The following C12orf60 variants were observed in gnomAD, a reference collection of about 807,000 sequenced individuals.
C12orf60 encodes uncharacterized protein C12orf60.
For missense variants in C12orf60, 284 were observed against 283.2 expected, an observed-to-expected ratio of 1.00 and a Z score of -0.02; for synonymous variants, 102 against 94.6, an observed-to-expected ratio of 1.08 and a Z score of -0.45.
At chr12:14,813,401 T>A (rs1362715855) in intron 1 of C12orf60, among the ~76,000 whole-genome samples, 2 of 152,220 alleles carry the variant, frequency 1.3e-5, no homozygotes, top group Non-Finnish European at 2.9e-5. Context: ...GTTCTGAGTC[T>A]CCTTTAATTC....
Position 14,823,253 on chromosome 12 carries a change from G to A in C12orf60, c.318G>A (p.Glu106=), listed in dbSNP as rs909908823. Residue 106 remains glutamate, a synonymous_variant, in exon 2 of 2, where the codon GAG becomes GAA. Coordinates refer to ENST00000330828, the MANE Select transcript of C12orf60 (RefSeq NM_175874.4). ...SVVQKSTNVE[E]LHQSAKEVFK... is the part of the protein sequence containing the mutation. ...TTCAGAAGAGTACCAATGTAGAGGA[G>A]TTGCATCAGTCAGCTAAAGAAGTAT... is the stretch of plus-strand genomic sequence containing the variant. The A allele has an allele frequency of 6.2e-7, 1 of 1,614,106 alleles. No individual in the cohort carries two copies. The highest frequency in any genetic ancestry group is 8.5e-7 in the Non-Finnish European group (1 of 1,179,986).
At chr12:14,812,785 T>C (rs1315974006) in intron 1 of C12orf60, among the ~76,000 whole-genome samples, 2 of 152,018 alleles carry the variant, frequency 1.3e-5, no homozygotes, top group Non-Finnish European at 2.9e-5. Flanking sequence ...ATTCAGGAGG[T>C]ACATACACAG....
rs778765854 is a variant in C12orf60, at chr12:14,806,312, T to A, written c.-25+2561T>A. The A allele has an allele frequency of 1.9e-6, 3 of 1,614,254 alleles. No individual in the cohort carries two copies. In the South Asian group the frequency reaches 3.3e-5, roughly 18 times the overall value. On this transcript the variant is annotated intron_variant, in intron 1 of 1. Coordinates refer to ENST00000330828, the MANE Select transcript of C12orf60 (RefSeq NM_175874.4). ...CGACTGCACTGGCTGCAGATGTAGC[T>A]TCTCCCAGGATGACCGAAATAACCT...
At chr12:14,808,796 A>G (rs1273630563) in intron 1 of C12orf60, among the ~76,000 whole-genome samples, 1 of 152,362 alleles carries the variant, frequency 6.6e-6, no homozygotes, top group South Asian at 2.1e-4. Context: ...ACATATATAC[A>G]GGCATGCACA....
intron 1 of C12orf60, chr12:14,806,195 A>C (rs1950046320): frequency 6.2e-7 from 1 of 1,613,990 alleles, no homozygotes; most frequent in African/African-American, 1.3e-5. Context: ...CAACTCCAAT[A>C]CTACCAAGGA....
chr12:14,815,647 G>A (rs1281151649), intron 1 of C12orf60, among the ~76,000 whole-genome samples: 1 of 152,158 alleles, frequency 6.6e-6, no homozygotes, highest in Non-Finnish European at 1.5e-5. Context: ...TTCAGGAAGG[G>A]TACATTATGT....
At chr12:14,809,936 CATT>C (rs1950110267) in intron 1 of C12orf60, among the ~76,000 whole-genome samples, 1 of 152,210 alleles carries the variant, frequency 6.6e-6, no homozygotes, top group African/African-American at 2.4e-5. Context: ...AAGTGTAAGA[CATT>C]GTACGTTTTC....
chr12:14,821,291 A>C (rs1950301151), intron 1 of C12orf60, among the ~76,000 whole-genome samples: 1 of 152,162 alleles, frequency 6.6e-6, no homozygotes. Context: ...CCTCACACTT[A>C]GTGATTTTAA....
chr12:14,808,686 T>G (rs1007153893), intron 1 of C12orf60, among the ~76,000 whole-genome samples: 1 of 152,234 alleles, frequency 6.6e-6, no homozygotes, highest in African/African-American at 2.4e-5. Context: ...TAACCATGTA[T>G]GTTGTTAGAT....
In C12orf60 at chr12:14,813,448, T is replaced by C. The variant is rs536626041; in HGVS notation, c.-24-9464T>C. Among the ~76,000 whole-genome samples, 5 of 152,318 alleles carry C rather than the reference T, an allele frequency of 3.3e-5. No individual in the cohort carries two copies. In the East Asian group the frequency reaches 9.6e-4, roughly 29 times the overall value. On this transcript the variant is annotated intron_variant, in intron 1 of 1. Coordinates refer to ENST00000330828, the MANE Select transcript of C12orf60 (RefSeq NM_175874.4). ...TGTGGCCTTTAATTAAAACAAAAAT[T>C]GATCATGATGTGATGATATACTTTC...
At chr12:14,819,058 G>A (rs1950267783) in intron 1 of C12orf60, among the ~76,000 whole-genome samples, 1 of 152,026 alleles carries the variant, frequency 6.6e-6, no homozygotes, top group Non-Finnish European at 1.5e-5. Context: ...CATTAATTCT[G>A]TGGAGTAATT....
intron 1 of C12orf60, among the ~76,000 whole-genome samples, chr12:14,821,670 T>A (rs1303915649): frequency 6.6e-6 from 1 of 152,174 alleles, no homozygotes. Context: ...GCATTGAAAA[T>A]CCCAACAGTG....
chr12:14,822,316 C>T (rs916579015), intron 1 of C12orf60, among the ~76,000 whole-genome samples: 5 of 150,002 alleles, frequency 3.3e-5, no homozygotes, highest in Non-Finnish European at 5.9e-5. Flanking sequence ...AGAAGACAAA[C>T]GACAACAACA....
Position 14,823,260 on chromosome 12 carries a change from C to T in C12orf60, c.325C>T (p.Gln109Ter). 6.2e-7 allele frequency: 1 copy of T among 1,614,096 alleles called. No individual in the cohort carries two copies. The highest frequency in any genetic ancestry group is 1.3e-5 in the African/African-American group (1 of 75,046). The change falls in exon 2 of 2, where the codon CAG becomes TAG. Residue 109 changes from glutamine to a stop codon, truncating the protein, a stop_gained. Transcript: ENST00000330828. LOFTEE classifies it low-confidence loss of function (END_TRUNC). ...GAGTACCAATGTAGAGGAGTTGCAT[C>T]AGTCAGCTAAAGAAGTATTCAAAAG... ...QKSTNVEELH[Q>*]SAKEVFKSAH...
chr12:14,823,159 A>G lies in C12orf60; in HGVS notation c.224A>G (p.Asp75Gly). The G allele has an allele frequency of 6.2e-7, 1 of 1,614,178 alleles. No homozygotes were observed. Among genetic ancestry groups the G allele is most frequent in the Non-Finnish European group, 8.5e-7 (1 of 1,180,022 alleles). ...KIFKEMQSVV[D>G]ARHDKIQKES... Reference sequence around the variant, plus strand: ...TTTAAGGAGATGCAATCTGTAGTGGATGCAAGACATGACAAAATTCAAAAG... The same window carrying G: ...TTTAAGGAGATGCAATCTGTAGTGGGTGCAAGACATGACAAAATTCAAAAG... The change falls in exon 2 of 2, where the codon GAT (aspartate) becomes GGT (glycine). Residue 75 changes from aspartate (D) to glycine (G), a missense_variant. By Grantham distance (94) the Asp-to-Gly change is moderately conservative. Transcript: ENST00000330828.
At chr12:14,806,317 C>T in intron 1 of C12orf60, 3 of 1,614,214 alleles carry the variant, frequency 1.9e-6, no homozygotes, top group Non-Finnish European at 2.5e-6. Flanking sequence ...GTAGCTTCTC[C>T]CAGGATGACC....
At chr12:14,822,803 C>A in intron 1 of C12orf60, 109 bp from the exon 2 acceptor site, 1 of 891,934 alleles carries the variant, frequency 1.1e-6, no homozygotes, top group Non-Finnish European at 1.7e-6. Context: ...TATAGCTTTC[C>A]TGCCCTTGGC....
At chr12:14,806,760 G>T in intron 1 of C12orf60, 1 of 1,395,840 alleles carries the variant, frequency 7.2e-7, no homozygotes, top group South Asian at 1.4e-5. Context: ...CTGTGTAGAA[G>T]GGACTAGGAA....
intron 1 of C12orf60, among the ~76,000 whole-genome samples, chr12:14,821,414 C>G (rs1215876449): frequency 2.0e-5 from 3 of 152,152 alleles, no homozygotes; most frequent in African/African-American, 7.2e-5. Flanking sequence ...TCTTCCAGCT[C>G]TGGTGGCCAT....
Sources: allele counts gnomAD v4.1 joint callset (sites outside exome capture counted in the v4.1 genomes callset), GRCh38; gene constraint gnomAD v4.1.1; transcripts MANE v1.5; gene names NCBI Gene and HGNC (gene_info 2026-07-23, HGNC 2026-07-21).